TYRP1: variants seen among roughly 807,000 people sequenced by gnomAD.
The protein encoded by TYRP1 is 5,6-dihydroxyindole-2-carboxylic acid oxidase.
TYRP1 carries 49 observed loss-of-function variants against 42.8 expected under a neutral mutation model. That is an observed-to-expected ratio of 1.14 (90% CI 0.91 to 1.45). The LOEUF (loss-of-function observed/expected upper bound fraction) is 1.45. Ranked by LOEUF, TYRP1 falls within the 40% of genes most tolerant of loss-of-function variation. TYRP1 has a pLI of 0.00. For missense variants in TYRP1, 848 were observed against 662.0 expected, an observed-to-expected ratio of 1.28 and a Z score of -3.08; for synonymous variants, 279 against 235.4, an observed-to-expected ratio of 1.19 and a Z score of -1.69.
At chr9:12,707,381 A>ACTT (rs1563857564) in intron 6 of TYRP1, among the ~76,000 whole-genome samples, 1 of 152,000 alleles carries the variant, frequency 6.6e-6, no homozygotes, top group African/African-American at 2.4e-5. Context: ...TCTTCCTGAA[A>ACTT]CTTTTCTTCC....
intron 6 of TYRP1, 132 bp from the exon 7 acceptor site, chr9:12,707,865 C>G: frequency 1.2e-6 from 1 of 842,394 alleles, no homozygotes; most frequent in Middle Eastern, 3.6e-4. Flanking sequence ...AACTTCATAT[C>G]TTTATTCAGT....
intron 5 of TYRP1, among the ~76,000 whole-genome samples, chr9:12,703,903 GTGTGTGTA>G (rs1205732390): frequency 1.6e-3 from 239 of 150,968 alleles, no homozygotes; most frequent in African/African-American, 5.5e-3. Context: ...GTGTGTGTGT[GTGTGTGTA>G]TATATGTGTG....
rs557113132 is a variant in TYRP1 at position 12,693,631 on chromosome 9, G to A, written c.-86+153G>A. On this transcript the variant is annotated intron_variant, in intron 1 of 7. Transcript: ENST00000388918. ...TAAATTAAATGTAATTAATGATGGT[G>A]ACCTGCTAATTCATGCTTTTGATAA... Among the ~76,000 whole-genome samples, 28 of 150,866 alleles carry A rather than the reference G, an allele frequency of 1.9e-4. 1 individual carries two copies. The highest frequency in any genetic ancestry group is 6.6e-4 in the African/African-American group (27 of 41,046).
chr9:12,707,877 T>TAA (rs1008219454), intron 6 of TYRP1, 120 bp from the exon 7 acceptor site: 1 of 951,124 alleles, frequency 1.1e-6, no homozygotes, highest in African/African-American at 1.7e-5. Flanking sequence ...TTATTCAGTG[T>TAA]AAAATAAGAA....
chr9:12,706,103 T>A (rs1189420741), intron 6 of TYRP1, among the ~76,000 whole-genome samples: 1 of 152,082 alleles, frequency 6.6e-6, no homozygotes, highest in Non-Finnish European at 1.5e-5. Context: ...GACCACTTTA[T>A]GTTTGTTTAA....
At chr9:12,698,321 G>C (rs16929364) in intron 3 of TYRP1, 130 bp from the exon 4 acceptor site, 10 of 900,178 alleles carry the variant, frequency 1.1e-5, no homozygotes, top group Admixed American at 6.0e-5. Flanking sequence ...CTCAGACACC[G>C]TTGATATACT....
Position 12,706,715 on chromosome 9 carries a change from C to T in TYRP1, c.1262-1282C>T, listed in dbSNP as rs943370544. 4.0e-5 allele frequency among the ~76,000 whole-genome samples: 6 copies of T among 151,838 alleles called. No homozygotes were observed. In the East Asian group the frequency reaches 9.7e-4, roughly 25 times the overall value. On this transcript the variant is annotated intron_variant, in intron 6 of 7. Coordinates refer to ENST00000388918, the MANE Select transcript of TYRP1 (RefSeq NM_000550.3). ...TAAATATTCCTTGTACCTGCAAATA[C>T]GTTTTAGAAATCAGTGTCATAAAAC...
chr9:12,707,298 C>G (rs1818273711), intron 6 of TYRP1, among the ~76,000 whole-genome samples: 1 of 151,902 alleles, frequency 6.6e-6, no homozygotes, highest in Non-Finnish European at 1.5e-5. Context: ...ATATTATTTT[C>G]AAATCTACTA....
rs374799104 is a variant in TYRP1, at chr9:12,695,849, G to A, written c.708+12G>A. On this transcript the variant is annotated intron_variant, in intron 3 of 7. Coordinates refer to ENST00000388918, the MANE Select transcript of TYRP1 (RefSeq NM_000550.3). ...AGAAAGACATGCAGGTATGTAAGAAGCATTTCAGTTTGCAGACTCTTTACA... is the reference window on the plus strand; with the variant it reads ...AGAAAGACATGCAGGTATGTAAGAAACATTTCAGTTTGCAGACTCTTTACA... The A allele has an allele frequency of 1.2e-5, 20 of 1,613,404 alleles. No homozygotes were observed. The African/African-American group carries it at 1.3e-4, about 11-fold the overall frequency.
chr9:12,708,596 A>AGTT (rs765154872), intron 7 of TYRP1, among the ~76,000 whole-genome samples: 1 of 151,972 alleles, frequency 6.6e-6, no homozygotes, highest in Non-Finnish European at 1.5e-5. Context: ...GAGATTTTGA[A>AGTT]GTTCAAAAGT....
chr9:12,702,102 G>T (rs1182878141), intron 4 of TYRP1, among the ~76,000 whole-genome samples, 169 bp from the exon 5 acceptor site: 4 of 151,924 alleles, frequency 2.6e-5, no homozygotes, highest in Non-Finnish European at 5.9e-5. Context: ...ATGGGACATG[G>T]TAACTTAGAT....
In TYRP1 at chr9:12,694,229, A is replaced by G. The variant is rs1416541339; in HGVS notation, c.233A>G (p.Gln78Arg). 4 of 1,613,712 alleles carry G rather than the reference A, an allele frequency of 2.5e-6. No individual in the cohort carries two copies. The highest frequency in any genetic ancestry group is 2.2e-5 in the East Asian group (1 of 44,826). ...GCAGACTCCCGGCCCCACAGCCCTC[A>G]GTATCCCCATGATGGCAGAGATGAT... ...VTADSRPHSPQYPHDGRDDRE... is the reference protein window; with the variant it reads ...VTADSRPHSPRYPHDGRDDRE... Residue 78 changes from glutamine (Q) to arginine (R), a missense_variant, in exon 2 of 8, where the codon CAG becomes CGG. Coordinates refer to ENST00000388918, the MANE Select transcript of TYRP1 (RefSeq NM_000550.3).
chr9:12,700,566 G>C (rs1563854174), intron 4 of TYRP1: 1 of 151,988 alleles, frequency 6.6e-6, no homozygotes, highest in Non-Finnish European at 1.5e-5. Context: ...CAGGACTTTG[G>C]TCCATAGGAT....
At position 12,709,763 on chromosome 9, in the gene TYRP1, CAGGTTCA is replaced by C. The variant is rs1348202958; in HGVS notation, c.*585_*591del. 1 of 153,004 alleles carries C rather than the reference CAGGTTCA, an allele frequency of 6.5e-6. No individual in the cohort carries two copies. Among genetic ancestry groups the C allele is most frequent in the African/African-American group, 2.4e-5 (1 of 41,302 alleles). 9.5% of individuals were successfully genotyped at this position (153,004 alleles called of 1,614,324 possible). A position where few individuals can be genotyped will look rare whatever the true frequency, so the allele number is the denominator to read the frequency against. On this transcript the variant is annotated 3_prime_UTR_variant, in exon 8 of 8. Coordinates refer to ENST00000388918, the MANE Select transcript of TYRP1 (RefSeq NM_000550.3). ...TTAGTCAACATATACTATTTAGTCT[CAGGTTCA>C]AGGCTACAACAAAAATCACCATCTT...
At chr9:12,699,181 A>C (rs1370692612) in intron 4 of TYRP1, among the ~76,000 whole-genome samples, 2 of 152,094 alleles carry the variant, frequency 1.3e-5, no homozygotes, top group Non-Finnish European at 2.9e-5. Context: ...TCTGCCCCCT[A>C]GCTGCTTTCC....
intron 4 of TYRP1, chr9:12,701,939 A>G (rs1818175482): frequency 4.2e-6 from 1 of 239,348 alleles, no homozygotes; most frequent in South Asian, 6.6e-5. Flanking sequence ...TATTTTGGCA[A>G]AATTCAATTT....
At position 12,704,428 on chromosome 9, in the gene TYRP1, C is replaced by T. The variant is rs1215757549; in HGVS notation, c.1082-98C>T. 1.0e-5 allele frequency: 14 copies of T among 1,397,814 alleles called. No individual in the cohort carries two copies. The Admixed American group carries it at 1.1e-4, about 11-fold the overall frequency. The allele number at this position is 1,397,814 out of a possible 1,614,324, so 86.6% of individuals were successfully genotyped here. On this transcript the variant is annotated intron_variant, in intron 5 of 7. Transcript: ENST00000388918. ...TTAAGGCAAAAATTGGCCTGACGAGCCTTGAAAAAATTGTTTCCCAATATA... is the reference window on the plus strand; with the variant it reads ...TTAAGGCAAAAATTGGCCTGACGAGTCTTGAAAAAATTGTTTCCCAATATA...
chr9:12,704,749 T>C (rs1280528194), intron 6 of TYRP1, 44 bp downstream of exon 6: 1 of 1,582,976 alleles, frequency 6.3e-7, no homozygotes, highest in South Asian at 1.1e-5. Context: ...GCTGGGCGGA[T>C]TGTTTAGATG....
At chr9:12,708,683 C>T (rs1453267321) in intron 7 of TYRP1, among the ~76,000 whole-genome samples, 6 of 151,882 alleles carry the variant, frequency 4.0e-5, no homozygotes, top group Non-Finnish European at 8.8e-5. Context: ...CTAAAATATC[C>T]GGGCTCCAAA....
Sources: allele counts gnomAD v4.1 joint callset (sites outside exome capture counted in the v4.1 genomes callset), GRCh38; gene constraint gnomAD v4.1.1; transcripts MANE v1.5; gene names NCBI Gene and HGNC (gene_info 2026-07-23, HGNC 2026-07-21).